The following NTRK3 variants were observed in gnomAD, a reference collection of about 807,000 sequenced individuals.
NTRK3 encodes NT-3 growth factor receptor.
NTRK3 carries 24 observed loss-of-function variants against 91.7 expected under a neutral mutation model. The ratio of observed to expected loss-of-function variants is 0.26; its 90% CI spans 0.19 to 0.37. The LOEUF (loss-of-function observed/expected upper bound fraction) is 0.37. NTRK3 is among the 10% of genes least tolerant of loss of function. NTRK3 has a pLI of 1.00. For synonymous variants in NTRK3, 483 were observed against 404.0 expected (o/e 1.20, Z -2.34); for missense variants, 880 against 1,068.9 (o/e 0.82, Z 2.46).
intron 17 of NTRK3, among the ~76,000 whole-genome samples, chr15:87,923,128 G>A (rs987728588): frequency 6.6e-6 from 1 of 152,230 alleles, no homozygotes; most frequent in Non-Finnish European, 1.5e-5. Flanking sequence ...ATGATTTCCT[G>A]CTGGGATGGA....
chr15:88,080,216 G>C lies in NTRK3; in HGVS notation c.1396+46055C>G, dbSNP rs182540545. Among the ~76,000 whole-genome samples, 42 of 152,270 alleles carry C rather than the reference G, an allele frequency of 2.8e-4. 2 individuals carry two copies. The highest frequency in any genetic ancestry group is 9.6e-4 in the African/African-American group (40 of 41,542). On this transcript the variant is annotated intron_variant, in intron 13 of 18. Transcript: ENST00000394480. ...ATCTCTGATTATTTCCTTAAGGTAAGTAACATGCCAAAACATGGAATTGCT... is the reference window on the plus strand; with the variant it reads ...ATCTCTGATTATTTCCTTAAGGTAACTAACATGCCAAAACATGGAATTGCT...
chr15:88,234,735 T>A lies in NTRK3; in HGVS notation c.248+21171A>T, dbSNP rs887758644. Among the ~76,000 whole-genome samples the A allele has an allele frequency of 1.3e-5, 2 of 152,172 alleles. No individual in the cohort carries two copies. The highest frequency in any genetic ancestry group is 4.8e-5 in the African/African-American group (2 of 41,448). On this transcript the variant is annotated intron_variant, in intron 3 of 18. Coordinates refer to ENST00000394480, the Ensembl canonical transcript of NTRK3. This position sits in a 1 kb window ranked among gnomAD's most constrained non-coding sequence, Gnocchi z 6.1. ...CACTTCAGCTGTAAGTCGAATCATCTCTTGTTTAAAAGGAAAACCCTCTGG... is the reference window on the plus strand; with the variant it reads ...CACTTCAGCTGTAAGTCGAATCATCACTTGTTTAAAAGGAAAACCCTCTGG...
intron 17 of NTRK3, among the ~76,000 whole-genome samples, chr15:87,907,073 C>T (rs1409473431): frequency 6.6e-6 from 1 of 152,120 alleles, no homozygotes; most frequent in African/African-American, 2.4e-5. Flanking sequence ...TCAGAAGGGT[C>T]CAACTTTAGA....
chr15:88,108,560 G>A (rs942744366), intron 13 of NTRK3, among the ~76,000 whole-genome samples: 1 of 152,158 alleles, frequency 6.6e-6, no homozygotes, highest in African/African-American at 2.4e-5. Context: ...AACTGAAAGG[G>A]ACCTTGGAAG....
intron 3 of NTRK3, among the ~76,000 whole-genome samples, chr15:88,251,717 G>GGGACTGGCAAGGCAA (rs1485073314): frequency 1.3e-5 from 2 of 152,256 alleles, no homozygotes; most frequent in African/African-American, 4.8e-5. Flanking sequence ...GCAGCTGGCA[G>GGGACTGGCAAGGCAA]GGACTGGCAA....
chr15:88,126,699 T>A (rs2053323214), intron 12 of NTRK3, among the ~76,000 whole-genome samples: 1 of 152,348 alleles, frequency 6.6e-6, no homozygotes, highest in South Asian at 2.1e-4. Flanking sequence ...GAATTCTGCA[T>A]CTTCATGTTA....
chr15:88,141,679 T>A (rs2042400938), intron 6 of NTRK3, among the ~76,000 whole-genome samples: 1 of 152,256 alleles, frequency 6.6e-6, no homozygotes, highest in Non-Finnish European at 1.5e-5. Flanking sequence ...CAGCACTTGA[T>A]GCTGTGCTGC....
chr15:88,128,162 C>A (rs566320392), intron 11 of NTRK3, among the ~76,000 whole-genome samples: 3 of 152,172 alleles, frequency 2.0e-5, no homozygotes, highest in African/African-American at 7.2e-5. Flanking sequence ...AGTCCATAAA[C>A]AAAACCCCAA....
chr15:88,096,442 C>T (rs2049607855), intron 13 of NTRK3, among the ~76,000 whole-genome samples: 1 of 152,174 alleles, frequency 6.6e-6, no homozygotes, highest in Non-Finnish European at 1.5e-5. Context: ...ATGACACAGG[C>T]CCAGAGGCAG....
At chr15:88,087,052 G>A (rs16941237) in intron 13 of NTRK3, among the ~76,000 whole-genome samples, 3,829 of 152,274 alleles carry the variant, frequency 0.025, 168 homozygotes, top group African/African-American at 0.087. Flanking sequence ...GTTTCCAGCA[G>A]TGGAACACAC....
chr15:88,137,509 G>A, exon 7 of NTRK3: 1 of 1,614,184 alleles, frequency 6.2e-7, no homozygotes, highest in Non-Finnish European at 8.5e-7. Flanking sequence ...TCCTGCCAGA[G>A]CTGCATCCAG....
chr15:87,900,465 G>C (rs1026722396), intron 17 of NTRK3, among the ~76,000 whole-genome samples: 30 of 152,298 alleles, frequency 2.0e-4, no homozygotes, highest in African/African-American at 7.2e-4. Flanking sequence ...AGTTCTACTA[G>C]TGTGCCATCC....
chr15:87,988,053 A>C (rs1035372084), intron 14 of NTRK3, among the ~76,000 whole-genome samples: 1 of 152,170 alleles, frequency 6.6e-6, no homozygotes, highest in African/African-American at 2.4e-5. Context: ...AAGTATACGG[A>C]AAGAGGGAGA....
intron 13 of NTRK3, among the ~76,000 whole-genome samples, chr15:88,047,918 A>C (rs1035457709): frequency 3.3e-5 from 5 of 151,964 alleles, no homozygotes; most frequent in Non-Finnish European, 7.4e-5. Context: ...GCTGTTTTGA[A>C]CTCCAGACAC....
chr15:88,022,793 C>T (rs568434540), intron 14 of NTRK3, among the ~76,000 whole-genome samples: 2 of 152,182 alleles, frequency 1.3e-5, no homozygotes, highest in Admixed American at 1.3e-4. Flanking sequence ...TTTTTTAAAG[C>T]CAATTACCTT....
intron 13 of NTRK3, chr15:88,099,191 G>T (rs879930272): frequency 1.7e-5 from 4 of 230,354 alleles, no homozygotes; most frequent in Non-Finnish European, 3.4e-5. Flanking sequence ...AGTGTATTGG[G>T]CAGCTTATTA....
chr15:88,103,682 G>T (rs1182580829), intron 13 of NTRK3, among the ~76,000 whole-genome samples: 1 of 152,096 alleles, frequency 6.6e-6, no homozygotes, highest in Non-Finnish European at 1.5e-5. Context: ...AGAAGACAGT[G>T]ACCTTGAAAG....
At chr15:87,970,418 T>C (rs553194540) in intron 14 of NTRK3, among the ~76,000 whole-genome samples, 3 of 152,350 alleles carry the variant, frequency 2.0e-5, no homozygotes, top group South Asian at 2.1e-4. Flanking sequence ...CTGGGTAGCG[T>C]GCTGGGTGTG....
chr15:88,033,238 G>C lies in NTRK3; in HGVS notation c.1397-193C>G, dbSNP rs1334395479. On this transcript the variant is annotated intron_variant, in intron 13 of 18. Transcript: ENST00000394480. Reference sequence around the variant, plus strand: ...TATAAATTCAGTTGTTTGGGTTTCTGGTGTATTTTAGATATTAACCCCTTA... The same window carrying C: ...TATAAATTCAGTTGTTTGGGTTTCTCGTGTATTTTAGATATTAACCCCTTA... Among the ~76,000 whole-genome samples the C allele has an allele frequency of 2.5e-4, 27 of 109,626 alleles. 1 individual carries two copies. Among genetic ancestry groups the C allele is most frequent in the African/African-American group, 9.6e-4 (26 of 27,212 alleles). The allele number at this position is 109,626 out of a possible 152,430, so 71.9% of individuals were successfully genotyped here. A position where few individuals can be genotyped will look rare whatever the true frequency, so the allele number is the denominator to read the frequency against.
Sources: allele counts gnomAD v4.1 joint callset (sites outside exome capture counted in the v4.1 genomes callset), GRCh38; gene constraint gnomAD v4.1.1; non-coding constraint Gnocchi (gnomAD v3.1); transcripts MANE v1.5; gene names NCBI Gene and HGNC (gene_info 2026-07-23, HGNC 2026-07-21).